The following RBFOX1 variants were observed in gnomAD, a reference collection of about 807,000 sequenced individuals.
The protein encoded by RBFOX1 is RNA binding protein fox-1 homolog 1.
A neutral mutation model predicts 57.7 loss-of-function variants in RBFOX1; 8 were observed. The ratio of observed to expected loss-of-function variants is 0.14; its 90% CI spans 0.08 to 0.25. The LOEUF is 0.25. Among genes scored for constraint, RBFOX1 ranks in the 10% least tolerant of loss-of-function variants. The probability of loss-of-function intolerance (pLI) is 1.00; values close to 1 mark genes in which losing one functional copy is unlikely to be tolerated. For missense variants in RBFOX1, 611 were observed against 548.5 expected (o/e 1.11, Z -1.14); for synonymous variants, 326 against 222.4 (o/e 1.47, Z -4.15).
intron 1 of RBFOX1, among the ~76,000 whole-genome samples, chr16:6,062,084 T>A (rs1425279641): frequency 6.6e-6 from 1 of 152,090 alleles, no homozygotes; most frequent in Non-Finnish European, 1.5e-5. Context: ...TTACAATGGA[T>A]AGAGATGAAC....
intron 3 of RBFOX1, among the ~76,000 whole-genome samples, chr16:6,759,523 A>C: frequency 9.1e-6 from 1 of 109,376 alleles, no homozygotes; most frequent in African/African-American, 3.9e-5. Flanking sequence ...GTGTGTGTGT[A>C]TTTTCAGTTT....
intron 4 of RBFOX1, among the ~76,000 whole-genome samples, chr16:7,096,067 A>C (rs2061646676): frequency 6.6e-6 from 1 of 152,078 alleles, no homozygotes; most frequent in Non-Finnish European, 1.5e-5. Flanking sequence ...AGAGCATCTA[A>C]TGCATGAGAT....
intron 4 of RBFOX1, among the ~76,000 whole-genome samples, chr16:7,100,416 C>G (rs975035326): frequency 6.6e-6 from 1 of 151,044 alleles, no homozygotes; most frequent in African/African-American, 2.5e-5. Flanking sequence ...ATTTCCTCCT[C>G]TTTTAAAATA....
chr16:5,960,394 C>G (rs1179175807), intron 4 of RBFOX1, among the ~76,000 whole-genome samples: 1 of 152,156 alleles, frequency 6.6e-6, no homozygotes, highest in Non-Finnish European at 1.5e-5. Flanking sequence ...TTAGATTTCA[C>G]ATTACCACCA....
At chr16:7,126,907 G>C (rs1221919182) in intron 4 of RBFOX1, among the ~76,000 whole-genome samples, 1 of 151,766 alleles carries the variant, frequency 6.6e-6, no homozygotes, top group African/African-American at 2.4e-5. Flanking sequence ...TACTTGGGAG[G>C]CTGAGGCAGG....
At chr16:5,342,515 C>G (rs1303008101) in intron 1 of RBFOX1, among the ~76,000 whole-genome samples, 2 of 152,166 alleles carry the variant, frequency 1.3e-5, no homozygotes, top group East Asian at 1.9e-4. Flanking sequence ...ATAATATTTT[C>G]TATTTCCCAA....
chr16:5,914,170 A>G (rs1393633903), intron 4 of RBFOX1, among the ~76,000 whole-genome samples: 2 of 152,256 alleles, frequency 1.3e-5, no homozygotes, highest in Non-Finnish European at 1.5e-5. Flanking sequence ...ATCCAGGAAA[A>G]AGACGGAAAA....
intron 2 of RBFOX1, among the ~76,000 whole-genome samples, chr16:6,557,441 A>G (rs2097121409): frequency 6.6e-6 from 1 of 152,186 alleles, no homozygotes; most frequent in African/African-American, 2.4e-5. Context: ...AATAACAGCC[A>G]CAATTTCTCT....
At chr16:6,625,920 G>T (rs1312513082) in intron 2 of RBFOX1, among the ~76,000 whole-genome samples, 1 of 152,180 alleles carries the variant, frequency 6.6e-6, no homozygotes, top group African/African-American at 2.4e-5. Flanking sequence ...CCCATGTAAA[G>T]TTTACGTTAT....
chr16:7,608,157 A>T (rs963924484), intron 10 of RBFOX1, among the ~76,000 whole-genome samples: 1 of 152,228 alleles, frequency 6.6e-6, no homozygotes, highest in Non-Finnish European at 1.5e-5. Context: ...CTTTTTAATA[A>T]GGAGAAATAA....
intron 9 of RBFOX1, among the ~76,000 whole-genome samples, chr16:7,598,309 C>T (rs1163213757): frequency 4.0e-5 from 6 of 151,304 alleles, no homozygotes; most frequent in South Asian, 4.2e-4. Context: ...AAATGTTTGT[C>T]GCATAACTTT....
intron 4 of RBFOX1, among the ~76,000 whole-genome samples, chr16:5,868,823 C>G (rs1236079584): frequency 6.6e-6 from 1 of 152,170 alleles, no homozygotes; most frequent in Non-Finnish European, 1.5e-5. Context: ...CAATATGCAT[C>G]CTATGAGGCT....
chr16:7,244,208 C>G (rs1006750884), intron 4 of RBFOX1, among the ~76,000 whole-genome samples: 3 of 145,250 alleles, frequency 2.1e-5, no homozygotes, highest in South Asian at 2.2e-4. Flanking sequence ...TCTTTCATCC[C>G]TTCTTCAGAG....
At chr16:7,099,709 A>G (rs2151321070) in intron 4 of RBFOX1, among the ~76,000 whole-genome samples, 1 of 152,234 alleles carries the variant, frequency 6.6e-6, no homozygotes, top group Middle Eastern at 3.4e-3. Flanking sequence ...TTCTACCTGG[A>G]AGGGAGGGAC....
chr16:7,043,496 C>T (rs762419540), intron 3 of RBFOX1, among the ~76,000 whole-genome samples: 4 of 152,074 alleles, frequency 2.6e-5, no homozygotes, highest in Middle Eastern at 3.2e-3. Context: ...TACTTGGAGA[C>T]GTGCGTTTAT....
intron 1 of RBFOX1, among the ~76,000 whole-genome samples, chr16:6,310,383 G>T (rs1333719999): frequency 3.3e-5 from 5 of 152,176 alleles, no homozygotes; most frequent in African/African-American, 1.2e-4. Context: ...TTATTGCCTT[G>T]GCAAAATTTT....
chr16:6,019,253 C>T lies in RBFOX1; in HGVS notation c.-866C>T. The T allele has an allele frequency of 3.0e-6, 3 of 985,358 alleles. No homozygotes were observed. Among genetic ancestry groups the T allele is most frequent in the Non-Finnish European group, 3.6e-6 (3 of 829,990 alleles). The allele number at this position is 985,358 out of a possible 1,614,324, so 61.0% of individuals were successfully genotyped here. Reference sequence around the variant, plus strand: ...TGGGTGCACACACCGCTCCCTCGATCACCCCAGCCCCCTTCCTGGTCTCCC... The same window carrying T: ...TGGGTGCACACACCGCTCCCTCGATTACCCCAGCCCCCTTCCTGGTCTCCC... On this transcript the variant is annotated 5_prime_UTR_variant, in exon 1 of 16. Coordinates refer to ENST00000550418, the MANE Select transcript of RBFOX1 (RefSeq NM_018723.4). The surrounding 1 kb of genome is among the most constrained non-coding windows in gnomAD (Gnocchi z 4.2).
intron 4 of RBFOX1, among the ~76,000 whole-genome samples, chr16:7,339,840 C>G (rs965786619): frequency 2.6e-5 from 4 of 152,212 alleles, no homozygotes; most frequent in East Asian, 1.9e-4. Context: ...GCTTCAGGCA[C>G]TATTGAATTC....
At chr16:5,456,497 A>C (rs892460821) in intron 1 of RBFOX1, among the ~76,000 whole-genome samples, 2 of 152,186 alleles carry the variant, frequency 1.3e-5, no homozygotes, top group Admixed American at 1.3e-4. Context: ...GATGATAGTC[A>C]TGATAGCAAT....
Sources: gnomAD v4.1 joint callset for allele counts (sites outside exome capture counted in the v4.1 genomes callset) on GRCh38, gnomAD v4.1.1 for gene constraint, Gnocchi (gnomAD v3.1) non-coding constraint, MANE v1.5 for transcripts, NCBI Gene and HGNC (gene_info 2026-07-23, HGNC 2026-07-21) for gene names.